Variants in ADAMTS10 observed in about 807,000 individuals in gnomAD.
ADAMTS10 encodes A disintegrin and metalloproteinase with thrombospondin motifs 10.
ADAMTS10 carries 48 observed loss-of-function variants against 135.9 expected under a neutral mutation model. That is an observed-to-expected ratio of 0.35 (90% CI 0.28 to 0.45). The LOEUF is 0.45. Among genes scored for constraint, ADAMTS10 ranks in the 20% least tolerant of loss-of-function variants. The probability of loss-of-function intolerance (pLI) is 1.00; values close to 1 mark genes in which losing one functional copy is unlikely to be tolerated. For synonymous variants in ADAMTS10, 621 were observed against 647.5 expected (o/e 0.96, Z 0.62); for missense variants, 1,131 against 1,565.2 (o/e 0.72, Z 4.68).
At position 8,591,857 on chromosome 19, in the gene ADAMTS10, G is replaced by A; in HGVS notation, c.1740C>T (p.Thr580=). 1 of 1,613,624 alleles carries A rather than the reference G, an allele frequency of 6.2e-7. No homozygotes were observed. The highest frequency in any genetic ancestry group is 8.5e-7 in the Non-Finnish European group (1 of 1,180,012). The change falls in exon 15 of 26, where the codon ACC becomes ACT. Residue 580 remains threonine, a synonymous_variant. Transcript: ENST00000597188. Reference sequence around the variant, plus strand: ...CACCCAGACAGTACTTGCCCCCGATGGTTGGCCTGGAAAGGGTGGTGGGAT... The same window carrying A: ...CACCCAGACAGTACTTGCCCCCGATAGTTGGCCTGGAAAGGGTGGTGGGAT... The part of the protein sequence containing the change: ...SSRHCDSPRP[T]IGGKYCLGER...
intron 13 of ADAMTS10, 52 bp from the exon 14 acceptor site, chr19:8,592,155 G>C: frequency 1.2e-6 from 2 of 1,612,612 alleles, no homozygotes; most frequent in Non-Finnish European, 1.7e-6. Context: ...GACACTCGTC[G>C]GCCCCATGCA....
intron 6 of ADAMTS10, among the ~76,000 whole-genome samples, chr19:8,598,839 T>TA (rs1555740837): frequency 5.5e-4 from 83 of 151,390 alleles, no homozygotes; most frequent in African/African-American, 2.0e-3. Context: ...CCTCCCAAAG[T>TA]GTTGGGATTA....
At chr19:8,589,401 A>ACCCCCCCCCCCCCCCCCAAC in intron 17 of ADAMTS10, 36 bp from the exon 18 acceptor site, 1 of 1,599,448 alleles carries the variant, frequency 6.3e-7, no homozygotes, top group Non-Finnish European at 8.5e-7. Flanking sequence ...CGACCCCCTA[A>ACCCCCCCCCCCCCCCCCAAC]CCCACCCCCG....
chr19:8,606,122 G>C (rs2042719522), intron 2 of ADAMTS10, among the ~76,000 whole-genome samples: 1 of 152,186 alleles, frequency 6.6e-6, no homozygotes, highest in South Asian at 2.1e-4. Flanking sequence ...GTGCAGTGTT[G>C]TGATCATAGC....
At chr19:8,599,995 C>T (rs543566341) in intron 6 of ADAMTS10, among the ~76,000 whole-genome samples, 102 of 151,960 alleles carry the variant, frequency 6.7e-4, no homozygotes, top group African/African-American at 2.2e-3. Context: ...CCACCACGCC[C>T]GGCTAATGTT....
rs781964363 is a variant in ADAMTS10, at chr19:8,586,408, G to C, written c.2466C>G (p.Asp822Glu). 6.2e-7 allele frequency: 1 copy of C among 1,613,964 alleles called. No homozygotes were observed. The highest frequency in any genetic ancestry group is 8.5e-7 in the Non-Finnish European group (1 of 1,180,004). ...AGTGCCAGGAGTAGGGGGGCAGCGA[G>C]TCACGGGCGATGGGGGCATTGAAGC... ...RYRFNAPIAR[D>E]SLPPYSWHYA... The change falls in exon 21 of 26, where the codon GAC becomes GAG. Residue 822 changes from aspartate (D) to glutamate (E), a missense_variant. By Grantham distance (45) the Asp-to-Glu change is conservative (BLOSUM62 2). Around this residue, in one of 3 missense-constraint regions of ADAMTS10, gnomAD observed 745 missense variants for 1,056.3 expected, o/e 0.71. Coordinates refer to ENST00000597188, the MANE Select transcript of ADAMTS10 (RefSeq NM_030957.4).
chr19:8,587,471 C>CTTT (rs112605791), intron 18 of ADAMTS10, among the ~76,000 whole-genome samples: 97 of 135,910 alleles, frequency 7.1e-4, no homozygotes, highest in East Asian at 3.3e-3. Context: ...GCCTGGCCAG[C>CTTT]TTTTTTTTTT....
intron 22 of ADAMTS10, among the ~76,000 whole-genome samples, 154 bp downstream of exon 22, chr19:8,585,968 C>T (rs1189636576): frequency 6.6e-6 from 1 of 152,132 alleles, no homozygotes; most frequent in East Asian, 1.9e-4. Context: ...TTGGACTCCC[C>T]CATAACTCCT....
intron 2 of ADAMTS10, among the ~76,000 whole-genome samples, chr19:8,606,716 G>C (rs528462829): frequency 6.6e-6 from 1 of 152,242 alleles, no homozygotes; most frequent in East Asian, 1.9e-4. Context: ...GGGTCACATT[G>C]CTAGAAAGTG....
In ADAMTS10 at chr19:8,580,831, G is replaced by A. The variant is rs950075471; in HGVS notation, c.*62C>T. ...CGCCCCCCCGGGGCCCCCTCTGGCC[G>A]GCCCGCTGCAGGGCTGGCGGCGGAG... On this transcript the variant is annotated 3_prime_UTR_variant, in exon 26 of 26. Transcript: ENST00000597188. 1.4e-6 allele frequency: 2 copies of A among 1,405,682 alleles called. No individual in the cohort carries two copies. Among genetic ancestry groups the A allele is most frequent in the East Asian group, 2.5e-5 (1 of 40,202 alleles). The allele number at this position is 1,405,682 out of a possible 1,614,324, so 87.1% of individuals were successfully genotyped here.
In ADAMTS10 at chr19:8,589,380, CGTGA is replaced by C; in HGVS notation, c.2035-19_2035-16del. 6.2e-7 allele frequency: 1 copy of C among 1,611,890 alleles called. No homozygotes were observed. The highest frequency in any genetic ancestry group is 8.5e-7 in the Non-Finnish European group (1 of 1,179,836). ...CAGCCCACGTGCTGCGTGGAGAAGG[CGTGA>C]GTGAGGCGACCCCCTAACCCACCCC... On this transcript the variant is annotated splice_polypyrimidine_tract_variant and intron_variant, in intron 17 of 25. Coordinates refer to ENST00000597188, the MANE Select transcript of ADAMTS10 (RefSeq NM_030957.4).
rs782601863 is a variant in ADAMTS10, at chr19:8,581,006, CGG to C, written c.3203-6_3203-5del. 7 of 1,609,156 alleles carry C rather than the reference CGG, an allele frequency of 4.4e-6. No homozygotes were observed. In the Admixed American group the frequency reaches 5.0e-5, roughly 12 times the overall value. ...ACCTTGTTCACATCCTTGCACTCTG[CGG>C]GGACGGGAGAAGGAAGGAAAAATCA... On this transcript the variant is annotated splice_polypyrimidine_tract_variant and splice_region_variant and intron_variant, in intron 25 of 25. Transcript: ENST00000597188.
intron 6 of ADAMTS10, among the ~76,000 whole-genome samples, chr19:8,600,473 C>T (rs1388691579): frequency 5.3e-5 from 7 of 132,966 alleles, no homozygotes; most frequent in Non-Finnish European, 9.5e-5. Flanking sequence ...TTTTCTCTTT[C>T]TTTCTGTCTT....
intron 12 of ADAMTS10, 64 bp downstream of exon 12, chr19:8,595,698 T>TCCCGA: frequency 7.0e-6 from 9 of 1,291,944 alleles, no homozygotes; most frequent in Non-Finnish European, 7.5e-6. Flanking sequence ...CTGGTGGAGT[T>TCCCGA]CCCTCCCCCA....
Position 8,605,352 on chromosome 19 carries a change from A to C in ADAMTS10, c.95T>G (p.Phe32Cys). The C allele has an allele frequency of 6.3e-7, 1 of 1,599,358 alleles. No homozygotes were observed. Among genetic ancestry groups the C allele is most frequent in the Non-Finnish European group, 8.5e-7 (1 of 1,173,080 alleles). The change falls in exon 4 of 26, where the codon TTC becomes TGC. Residue 32 changes from phenylalanine to cysteine, a missense_variant. Phe to Cys is a radical substitution (Grantham distance 205). This residue lies in a region of ADAMTS10 where 306 missense variants were observed against 344.4 expected (regional missense o/e 0.89). Coordinates refer to ENST00000597188, the MANE Select transcript of ADAMTS10 (RefSeq NM_030957.4). The surrounding 1 kb of genome is among the most constrained non-coding windows in gnomAD (Gnocchi z 7.7). Reference sequence around the variant, plus strand: ...CTCATAGCTCTCCAGACTGGACAGGAACTCATCTGTGGGTGAGGGTCAGAG... The same window carrying C: ...CTCATAGCTCTCCAGACTGGACAGGCACTCATCTGTGGGTGAGGGTCAGAG... The part of the protein sequence containing the change: ...VTHAFRSQDE[F>C]LSSLESYEIA...
chr19:8,582,027 TCAAA>T (rs5827004), intron 25 of ADAMTS10, among the ~76,000 whole-genome samples: 331 of 149,824 alleles, frequency 2.2e-3, no homozygotes, highest in African/African-American at 3.7e-3. Context: ...CGAGACCCTG[TCAAA>T]CAAACAAACA....
rs782117610 is a variant in ADAMTS10, at chr19:8,605,598, A to G, written c.88+25T>C. Reference sequence around the variant, plus strand: ...CTCTTACATTTTTCGCTCCCTCCCCACCGCCACCACCAGACTTCCCCTACC... The same window carrying G: ...CTCTTACATTTTTCGCTCCCTCCCCGCCGCCACCACCAGACTTCCCCTACC... On this transcript the variant is annotated intron_variant, in intron 3 of 25. Transcript: ENST00000597188. The surrounding 1 kb of genome is among the most constrained non-coding windows in gnomAD (Gnocchi z 7.7). 16 of 1,585,152 alleles carry G rather than the reference A, an allele frequency of 1.0e-5. No individual in the cohort carries two copies. In the South Asian group the frequency reaches 1.8e-4, roughly 18 times the overall value.
Position 8,605,509 on chromosome 19 carries a change from G to T in ADAMTS10, c.88+114C>A. The T allele has an allele frequency of 1.3e-6, 2 of 1,483,326 alleles. No homozygotes were observed. The highest frequency in any genetic ancestry group is 1.8e-6 in the Non-Finnish European group (2 of 1,093,596). 91.9% of individuals were successfully genotyped at this position (1,483,326 alleles called of 1,614,324 possible). A position where few individuals can be genotyped will look rare whatever the true frequency, so the allele number is the denominator to read the frequency against. On this transcript the variant is annotated intron_variant, in intron 3 of 25. Transcript: ENST00000597188. This position sits in a 1 kb window ranked among gnomAD's most constrained non-coding sequence, Gnocchi z 7.7. ...CAAGGCTCCCGCCTATTGACCCCAG[G>T]GCCTTCCCCCATTGACCCCCATCCC...
Position 8,596,322 on chromosome 19 carries a change from T to TG in ADAMTS10, c.1174dup (p.His392ProfsTer12). The TG allele has an allele frequency of 6.2e-7, 1 of 1,612,980 alleles. No homozygotes were observed. The highest frequency in any genetic ancestry group is 8.5e-7 in the Non-Finnish European group (1 of 1,179,888). ...CTGGCCTCACGTGTGCCCGATCTCG[T>TG]GGGCAATGGTGAACGCTGTGGCCAG... On this transcript the variant is annotated frameshift_variant, in exon 10 of 26. Transcript: ENST00000597188. LOFTEE classifies it high-confidence loss of function. This position sits in a 1 kb window ranked among gnomAD's most constrained non-coding sequence, Gnocchi z 7.2.
Sources: gnomAD v4.1 joint callset for allele counts (sites outside exome capture counted in the v4.1 genomes callset) on GRCh38, gnomAD v4.1.1 for gene constraint, gnomAD v4.1.1 regional missense constraint, Gnocchi (gnomAD v3.1) non-coding constraint, MANE v1.5 for transcripts, NCBI Gene and HGNC (gene_info 2026-07-23, HGNC 2026-07-21) for gene names.